KANSL1L: variants seen among roughly 807,000 people sequenced by gnomAD.
KANSL1L encodes KAT8 regulatory NSL complex subunit 1 like.
A neutral mutation model predicts 108.6 loss-of-function variants in KANSL1L; 25 were observed. The ratio of observed to expected loss-of-function variants is 0.23; its 90% CI spans 0.17 to 0.32. The LOEUF is 0.32. Ranked by LOEUF, KANSL1L falls within the 10% of genes least tolerant of loss-of-function variation. The pLI is 1.00. For missense variants in KANSL1L, 1,137 were observed against 1,125.7 expected (o/e 1.01, Z -0.14); for synonymous variants, 405 against 395.1 (o/e 1.03, Z -0.30).
intron 6 of KANSL1L, among the ~76,000 whole-genome samples, chr2:210,052,715 G>C (rs539645335): frequency 4.6e-4 from 70 of 152,140 alleles, no homozygotes; most frequent in Non-Finnish European, 8.4e-4. Context: ...GTTCTATGAA[G>C]GTAGGAACCC....
chr2:210,113,935 C>T (rs2094931295), intron 3 of KANSL1L, among the ~76,000 whole-genome samples: 3 of 152,062 alleles, frequency 2.0e-5, no homozygotes, highest in Admixed American at 1.3e-4. Context: ...GTCTAAGGGA[C>T]ACGTGGAACA....
intron 5 of KANSL1L, among the ~76,000 whole-genome samples, chr2:210,078,615 A>G (rs1294210073): frequency 6.6e-6 from 1 of 152,230 alleles, no homozygotes; most frequent in Non-Finnish European, 1.5e-5. Context: ...TAAATAATGG[A>G]TGAAGGTTAT....
rs2094739637 is a variant in KANSL1L, at chr2:210,096,756, T to C, written c.1550+1330A>G. On this transcript the variant is annotated intron_variant, in intron 5 of 14. Transcript: ENST00000281772. Reference sequence around the variant, plus strand: ...AAGAATCTTTACGTTCAACATGTTTTATCACTGATATGAGGAATGAATATA... The same window carrying C: ...AAGAATCTTTACGTTCAACATGTTTCATCACTGATATGAGGAATGAATATA... The C allele has an allele frequency of 5.2e-6, 5 of 954,878 alleles. No individual in the cohort carries two copies. In the South Asian group the frequency reaches 1.5e-4, roughly 28 times the overall value. The allele number at this position is 954,878 out of a possible 1,614,324, so 59.2% of individuals were successfully genotyped here. A position where few individuals can be genotyped will look rare whatever the true frequency, so the allele number is the denominator to read the frequency against.
At chr2:210,166,324 T>TA (rs1687961446) in intron 1 of KANSL1L, among the ~76,000 whole-genome samples, 1 of 152,148 alleles carries the variant, frequency 6.6e-6, no homozygotes, top group Admixed American at 6.5e-5. Context: ...AGTCAATAGT[T>TA]ACTGAGTTGG....
chr2:210,116,632 G>A (rs1028410464), intron 3 of KANSL1L, among the ~76,000 whole-genome samples: 2 of 152,240 alleles, frequency 1.3e-5, no homozygotes, highest in East Asian at 1.9e-4. Context: ...GATCTTACCC[G>A]AGACTACTGA....
chr2:210,067,741 A>T (rs1221354282), intron 6 of KANSL1L, among the ~76,000 whole-genome samples: 1 of 130,856 alleles, frequency 7.6e-6, no homozygotes, highest in Non-Finnish European at 1.7e-5. Context: ...AAAAAAAAAA[A>T]AAATTGATGT....
chr2:210,099,549 T>G (rs553164375), intron 4 of KANSL1L, among the ~76,000 whole-genome samples: 60 of 152,314 alleles, frequency 3.9e-4, no homozygotes, highest in African/African-American at 1.4e-3. Context: ...AGATTAAAGC[T>G]CATTTTTAAA....
At chr2:210,066,071 T>C (rs1432186205) in intron 6 of KANSL1L, among the ~76,000 whole-genome samples, 1 of 152,220 alleles carries the variant, frequency 6.6e-6, no homozygotes, top group African/African-American at 2.4e-5. Context: ...CTCCCAGTAT[T>C]CTTGCCCTTG....
intron 2 of KANSL1L, among the ~76,000 whole-genome samples, chr2:210,150,774 C>T (rs1459603655): frequency 1.4e-5 from 2 of 144,072 alleles, no homozygotes; most frequent in Admixed American, 7.0e-5. Flanking sequence ...AAGAGCAAAA[C>T]TCCATCTTAA....
chr2:210,026,584 T>G (rs1450404815), intron 12 of KANSL1L, among the ~76,000 whole-genome samples: 1 of 152,200 alleles, frequency 6.6e-6, no homozygotes, highest in Non-Finnish European at 1.5e-5. Flanking sequence ...ACATTACTTT[T>G]TTAAAGTCCA....
At chr2:210,052,527 C>T (rs1227452940) in intron 6 of KANSL1L, among the ~76,000 whole-genome samples, 1 of 152,174 alleles carries the variant, frequency 6.6e-6, no homozygotes, top group Non-Finnish European at 1.5e-5. Flanking sequence ...TTTGTTCCCT[C>T]CTCACTTCAA....
At chr2:210,165,922 C>A (rs1408028237) in intron 1 of KANSL1L, among the ~76,000 whole-genome samples, 1 of 152,140 alleles carries the variant, frequency 6.6e-6, no homozygotes, top group Non-Finnish European at 1.5e-5. Context: ...ATTCACATAA[C>A]TTTTATGTAT....
intron 2 of KANSL1L, among the ~76,000 whole-genome samples, chr2:210,140,173 CT>C: frequency 6.6e-6 from 1 of 152,050 alleles, no homozygotes; most frequent in East Asian, 1.9e-4. Context: ...TGTGTCAAAC[CT>C]TTTTAGTTTG....
chr2:210,139,353 A>T (rs938594247), intron 2 of KANSL1L, among the ~76,000 whole-genome samples: 2 of 152,346 alleles, frequency 1.3e-5, no homozygotes, highest in Middle Eastern at 3.4e-3. Context: ...TGGCCACTGT[A>T]AATGAGTATC....
At chr2:210,030,555 A>G (rs1190855478) in intron 9 of KANSL1L, among the ~76,000 whole-genome samples, 2 of 127,024 alleles carry the variant, frequency 1.6e-5, no homozygotes, top group East Asian at 4.5e-4. Context: ...GTGTGTGTGT[A>G]GTAAATATAT....
At chr2:210,111,100 A>AG (rs1467958316) in intron 3 of KANSL1L, among the ~76,000 whole-genome samples, 5 of 152,224 alleles carry the variant, frequency 3.3e-5, no homozygotes, top group African/African-American at 1.2e-4. Flanking sequence ...CAACAGAGCA[A>AG]GGCCCTGTCT....
rs147323315 is a variant in KANSL1L at position 210,155,516 on chromosome 2, C to A, written c.-29-905G>T. The stretch of plus-strand genomic sequence containing the variant: ...AAACTTGCCTAATGCAATGTCTCCT[C>A]TAAACGTATCTGCAATTTTACCCTT... On this transcript the variant is annotated intron_variant, in intron 1 of 14. Transcript: ENST00000281772. Among the ~76,000 whole-genome samples, 231 of 152,340 alleles carry A rather than the reference C, an allele frequency of 1.5e-3. No individual in the cohort carries two copies. The Middle Eastern group carries it at 0.02, about 13-fold the overall frequency.
intron 2 of KANSL1L, among the ~76,000 whole-genome samples, chr2:210,146,271 T>G (rs1031419868): frequency 6.6e-6 from 1 of 152,188 alleles, no homozygotes; most frequent in Non-Finnish European, 1.5e-5. Flanking sequence ...AAATTCATAC[T>G]TAAACATTTG....
At chr2:210,116,086 A>G (rs2094951291) in intron 3 of KANSL1L, among the ~76,000 whole-genome samples, 3 of 152,204 alleles carry the variant, frequency 2.0e-5, no homozygotes, top group Admixed American at 2.0e-4. Context: ...CAGGACTGGC[A>G]GCATTCACCA....
Sources: gnomAD v4.1 joint callset for allele counts (sites outside exome capture counted in the v4.1 genomes callset) on GRCh38, gnomAD v4.1.1 for gene constraint, MANE v1.5 for transcripts, NCBI Gene and HGNC (gene_info 2026-07-23, HGNC 2026-07-21) for gene names.